The following GPC5 variants were observed in gnomAD, a reference collection of about 807,000 sequenced individuals.
GPC5 encodes the protein glypican 5, also known as glypican-5.
GPC5 carries 47 observed loss-of-function variants against 53.9 expected under a neutral mutation model. The ratio of observed to expected loss-of-function variants is 0.87; its 90% CI spans 0.69 to 1.11. The LOEUF is 1.11. Ranked by LOEUF, GPC5 falls within the 50% of genes most tolerant of loss-of-function variation. GPC5 has a pLI of 0.00. For synonymous variants in GPC5, 286 were observed against 263.3 expected (o/e 1.09, Z -0.84); for missense variants, 748 against 713.1 (o/e 1.05, Z -0.56).
At chr13:91,482,938 G>T (rs1302331545) in intron 2 of GPC5, among the ~76,000 whole-genome samples, 1 of 151,654 alleles carries the variant, frequency 6.6e-6, no homozygotes, top group Non-Finnish European at 1.5e-5. Flanking sequence ...ACATTTAGGA[G>T]TACAGCTGAA....
intron 5 of GPC5, among the ~76,000 whole-genome samples, chr13:91,860,537 T>C (rs1219784212): frequency 3.3e-5 from 5 of 150,904 alleles, no homozygotes; most frequent in Non-Finnish European, 7.4e-5. Context: ...TTTTTTTTTT[T>C]TTGAGATGGA....
At chr13:92,009,527 C>G (rs1254892843) in intron 6 of GPC5, among the ~76,000 whole-genome samples, 1 of 152,136 alleles carries the variant, frequency 6.6e-6, no homozygotes, top group African/African-American at 2.4e-5. Context: ...CCCCTGTCCC[C>G]CAATCATTCT....
intron 7 of GPC5, among the ~76,000 whole-genome samples, chr13:92,547,425 G>A (rs759591188): frequency 1.3e-5 from 2 of 152,142 alleles, no homozygotes; most frequent in African/African-American, 4.8e-5. Flanking sequence ...ATTTTTACCT[G>A]TTTATTTTCA....
intron 7 of GPC5, among the ~76,000 whole-genome samples, chr13:92,476,800 A>G (rs1159258747): frequency 1.0e-4 from 15 of 147,608 alleles, no homozygotes; most frequent in African/African-American, 3.8e-4. Flanking sequence ...AAGAACAAAA[A>G]ACCAAACACC....
intron 7 of GPC5, among the ~76,000 whole-genome samples, chr13:92,405,890 G>A (rs1271254968): frequency 6.6e-6 from 1 of 152,162 alleles, no homozygotes; most frequent in Non-Finnish European, 1.5e-5. Context: ...TTTTAGATTT[G>A]ACCTACTTCC....
At chr13:91,431,963 T>G (rs1879484300) in intron 1 of GPC5, among the ~76,000 whole-genome samples, 1 of 152,208 alleles carries the variant, frequency 6.6e-6, no homozygotes, top group Non-Finnish European at 1.5e-5. Context: ...ATGCTTAATT[T>G]CATGTGCCAG....
chr13:92,716,223 T>C (rs1888323375), intron 7 of GPC5, among the ~76,000 whole-genome samples: 1 of 152,142 alleles, frequency 6.6e-6, no homozygotes, highest in South Asian at 2.1e-4. Flanking sequence ...TATTCTTTCA[T>C]GTTTATAAGA....
chr13:92,546,657 G>GA (rs1406774794), intron 7 of GPC5, among the ~76,000 whole-genome samples: 6 of 152,154 alleles, frequency 3.9e-5, no homozygotes, highest in African/African-American at 9.6e-5. Flanking sequence ...CACAGAATTG[G>GA]AAAAAACTAC....
At chr13:92,613,534 T>A (rs1402761052) in intron 7 of GPC5, among the ~76,000 whole-genome samples, 1 of 121,910 alleles carries the variant, frequency 8.2e-6, no homozygotes, top group African/African-American at 3.2e-5. Context: ...AATTTATATA[T>A]AAAATATAAT....
chr13:92,588,972 A>G (rs1402752990), intron 7 of GPC5, among the ~76,000 whole-genome samples: 1 of 152,196 alleles, frequency 6.6e-6, no homozygotes, highest in East Asian at 1.9e-4. Flanking sequence ...GAAAATGTGC[A>G]AGTAATGAGA....
chr13:91,538,310 C>T (rs1426440218), intron 2 of GPC5, among the ~76,000 whole-genome samples: 1 of 152,080 alleles, frequency 6.6e-6, no homozygotes, highest in Non-Finnish European at 1.5e-5. Context: ...AGACTTTTAT[C>T]CCAATTGCAT....
chr13:92,038,673 T>TATAGATAGATAG (rs56923365), intron 6 of GPC5, among the ~76,000 whole-genome samples: 53 of 147,814 alleles, frequency 3.6e-4, no homozygotes, highest in African/African-American at 8.0e-4. Context: ...TACAAATCTA[T>TATAGATAGATAG]ATAGATAGAT....
chr13:92,626,852 G>C (rs1885062180), intron 7 of GPC5, among the ~76,000 whole-genome samples: 1 of 152,100 alleles, frequency 6.6e-6, no homozygotes, highest in African/African-American at 2.4e-5. Context: ...TAGCTTTATA[G>C]AATTTTCAGT....
At position 92,752,756 on chromosome 13, in the gene GPC5, C is replaced by T. The variant is rs989408878; in HGVS notation, c.1562-113526C>T. Among the ~76,000 whole-genome samples, 2 of 152,126 alleles carry T rather than the reference C, an allele frequency of 1.3e-5. 1 individual carries two copies. Among genetic ancestry groups the T allele is most frequent in the Admixed American group, 1.3e-4 (2 of 15,274 alleles). On this transcript the variant is annotated intron_variant, in intron 7 of 7. Transcript: ENST00000377067. ...GGGCACCTGGAAAATCGGGTCACTT[C>T]CACCCGAATACTGCACTTTTCCAAC...
intron 6 of GPC5, among the ~76,000 whole-genome samples, chr13:91,932,445 A>C (rs1192097798): frequency 6.6e-6 from 1 of 152,166 alleles, no homozygotes; most frequent in Non-Finnish European, 1.5e-5. Flanking sequence ...TTTTAAATTA[A>C]GTTTCTTTGA....
intron 5 of GPC5, among the ~76,000 whole-genome samples, chr13:91,802,425 G>T (rs1270382018): frequency 2.0e-5 from 3 of 152,162 alleles, no homozygotes; most frequent in South Asian, 4.1e-4. Context: ...TCTCATAAAG[G>T]TACTGCAGAC....
chr13:91,581,145 G>A (rs757942733), intron 2 of GPC5, among the ~76,000 whole-genome samples: 44 of 152,124 alleles, frequency 2.9e-4, no homozygotes, highest in Non-Finnish European at 5.9e-4. Flanking sequence ...GGGATTGTGG[G>A]AACTAGAATT....
intron 6 of GPC5, among the ~76,000 whole-genome samples, chr13:91,959,277 A>G (rs1800860730): frequency 6.6e-6 from 1 of 152,012 alleles, no homozygotes; most frequent in Non-Finnish European, 1.5e-5. Flanking sequence ...ATGAACAACT[A>G]TATACTCACA....
At chr13:91,685,594 CTG>C (rs760440100) in intron 2 of GPC5, among the ~76,000 whole-genome samples, 59 of 152,254 alleles carry the variant, frequency 3.9e-4, no homozygotes, top group Middle Eastern at 3.4e-3. Flanking sequence ...ATTTATATAT[CTG>C]TTTGCTTTTA....
Sources: allele counts gnomAD v4.1 joint callset (sites outside exome capture counted in the v4.1 genomes callset), GRCh38; gene constraint gnomAD v4.1.1; transcripts MANE v1.5; gene names NCBI Gene and HGNC (gene_info 2026-07-23, HGNC 2026-07-21).